The following NEGR1 variants were observed in gnomAD, a reference collection of about 807,000 sequenced individuals.
NEGR1 encodes neuronal growth regulator 1.
In NEGR1, 10 loss-of-function variants were observed where a neutral mutation model predicts 40.9. The observed-to-expected ratio is 0.24, with a 90% CI of 0.15 to 0.42. NEGR1 has a LOEUF of 0.42. Ranked by LOEUF, NEGR1 falls within the 10% of genes least tolerant of loss-of-function variation. The pLI is 1.00. For missense variants in NEGR1, 352 were observed against 438.9 expected (o/e 0.80, Z 1.77); for synonymous variants, 185 against 166.8 (o/e 1.11, Z -0.84).
chr1:72,226,987 T>C (rs888020048), intron 1 of NEGR1, among the ~76,000 whole-genome samples: 20 of 152,208 alleles, frequency 1.3e-4, no homozygotes, highest in African/African-American at 4.8e-4. Flanking sequence ...GGAACCTATA[T>C]ACATGCAAAA....
At chr1:71,688,325 T>TATAGATAG (rs74193312) in intron 4 of NEGR1, among the ~76,000 whole-genome samples, 3 of 103,206 alleles carry the variant, frequency 2.9e-5, no homozygotes, top group South Asian at 6.4e-4. Flanking sequence ...TATATATATA[T>TATAGATAG]ATAGATAGAT....
intron 2 of NEGR1, among the ~76,000 whole-genome samples, chr1:71,930,903 G>T (rs967340532): frequency 6.6e-6 from 1 of 152,162 alleles, no homozygotes. Flanking sequence ...CCTACATTGG[G>T]CTAAAAGGAA....
At chr1:72,268,481 T>C (rs776850164) in intron 1 of NEGR1, among the ~76,000 whole-genome samples, 69 of 151,556 alleles carry the variant, frequency 4.6e-4, no homozygotes, top group Non-Finnish European at 1.8e-4. Context: ...TGAATTACAA[T>C]GTAAATTCAA....
At chr1:71,654,327 C>G (rs886788360) in intron 4 of NEGR1, among the ~76,000 whole-genome samples, 5 of 152,096 alleles carry the variant, frequency 3.3e-5, no homozygotes, top group Non-Finnish European at 5.9e-5. Flanking sequence ...AAGAGTGAAC[C>G]TAATACTTGA....
chr1:71,970,313 A>AT (rs774049622), intron 1 of NEGR1, among the ~76,000 whole-genome samples: 24 of 152,116 alleles, frequency 1.6e-4, no homozygotes, highest in Non-Finnish European at 1.0e-4. Context: ...ACTTCAAGGA[A>AT]TTTGGGTTTT....
chr1:71,417,564 T>A (rs2101272740), intron 6 of NEGR1, among the ~76,000 whole-genome samples: 1 of 152,254 alleles, frequency 6.6e-6, no homozygotes, highest in East Asian at 1.9e-4. Context: ...CCAAGAGAAC[T>A]GTTAAATAAC....
intron 1 of NEGR1, among the ~76,000 whole-genome samples, chr1:72,011,181 T>A (rs1316773200): frequency 2.0e-5 from 3 of 152,114 alleles, no homozygotes; most frequent in Non-Finnish European, 4.4e-5. Context: ...CTGATGAACA[T>A]TCTGAGACTC....
intron 3 of NEGR1, among the ~76,000 whole-genome samples, chr1:71,759,833 C>T (rs1655880362): frequency 6.6e-6 from 1 of 151,526 alleles, no homozygotes; most frequent in African/African-American, 2.4e-5. Context: ...TGGTCTTGAA[C>T]TCCTGGCCTC....
chr1:71,906,141 A>G (rs971311453), intron 2 of NEGR1, among the ~76,000 whole-genome samples: 1 of 152,092 alleles, frequency 6.6e-6, no homozygotes, highest in South Asian at 2.1e-4. Context: ...AACTCTTCCA[A>G]TTCTGGGTGC....
intron 6 of NEGR1, among the ~76,000 whole-genome samples, chr1:71,508,652 G>A (rs72936169): frequency 0.04 from 6,139 of 152,202 alleles, 407 homozygotes; most frequent in African/African-American, 0.14. Context: ...GCCCTGAACC[G>A]AATACAGGTT....
intron 6 of NEGR1, among the ~76,000 whole-genome samples, chr1:71,427,595 T>C (rs966926832): frequency 5.9e-5 from 9 of 152,208 alleles, no homozygotes; most frequent in African/African-American, 2.2e-4. Flanking sequence ...TTAAGATAAA[T>C]GTATAGTATT....
chr1:71,534,334 T>C (rs1338946901), intron 6 of NEGR1, among the ~76,000 whole-genome samples: 1 of 151,630 alleles, frequency 6.6e-6, no homozygotes, highest in Non-Finnish European at 1.5e-5. Context: ...TAAAATAAGC[T>C]GTCCAAAAGA....
At chr1:71,988,367 G>A (rs552467178) in intron 1 of NEGR1, among the ~76,000 whole-genome samples, 4 of 151,898 alleles carry the variant, frequency 2.6e-5, no homozygotes, top group South Asian at 2.1e-4. Flanking sequence ...GTGAAACCCC[G>A]TCTCTACTAA....
intron 6 of NEGR1, among the ~76,000 whole-genome samples, chr1:71,482,341 A>C (rs995623618): frequency 6.6e-6 from 1 of 151,850 alleles, no homozygotes; most frequent in Admixed American, 6.6e-5. Flanking sequence ...TTAACATAGC[A>C]GGCAAAAAAA....
chr1:71,843,684 C>G (rs934651549), intron 2 of NEGR1, among the ~76,000 whole-genome samples: 3 of 152,076 alleles, frequency 2.0e-5, no homozygotes, highest in Admixed American at 2.0e-4. Context: ...AGAAAATAGT[C>G]TCATCAGTGA....
Position 72,134,306 on chromosome 1 carries a change from C to T in NEGR1, c.176+148013G>A, listed in dbSNP as rs1044923976. Among the ~76,000 whole-genome samples, 5 of 150,998 alleles carry T rather than the reference C, an allele frequency of 3.3e-5. No individual in the cohort carries two copies. The East Asian group carries it at 5.9e-4, about 18-fold the overall frequency. ...CTGCAAGCTCCACCTCCCGGGTTCACGCCATTCTCCTGCCTTAGCCTCCTG... is the reference window on the plus strand; with the variant it reads ...CTGCAAGCTCCACCTCCCGGGTTCATGCCATTCTCCTGCCTTAGCCTCCTG... On this transcript the variant is annotated intron_variant, in intron 1 of 6. Coordinates refer to ENST00000357731, the MANE Select transcript of NEGR1 (RefSeq NM_173808.3).
At chr1:71,631,568 C>A (rs1650970645) in intron 4 of NEGR1, among the ~76,000 whole-genome samples, 1 of 151,780 alleles carries the variant, frequency 6.6e-6, no homozygotes, top group Non-Finnish European at 1.5e-5. Flanking sequence ...ATTCATTTTC[C>A]ATCCTTGAAA....
chr1:72,092,293 A>C (rs914421549), intron 1 of NEGR1, among the ~76,000 whole-genome samples: 1 of 152,144 alleles, frequency 6.6e-6, no homozygotes, highest in African/African-American at 2.4e-5. Flanking sequence ...GGCAAAGTTT[A>C]ATAGCAACTT....
chr1:72,250,587 T>C (rs1433162041), intron 1 of NEGR1, among the ~76,000 whole-genome samples: 1 of 152,178 alleles, frequency 6.6e-6, no homozygotes, highest in African/African-American at 2.4e-5. Flanking sequence ...TGGCTAAGAA[T>C]AGAGCATACA....
Sources: gnomAD v4.1 joint callset for allele counts (sites outside exome capture counted in the v4.1 genomes callset) on GRCh38, gnomAD v4.1.1 for gene constraint, MANE v1.5 for transcripts, NCBI Gene and HGNC (gene_info 2026-07-23, HGNC 2026-07-21) for gene names.